RASA1: variants seen among roughly 807,000 people sequenced by gnomAD.
RASA1 encodes RAS p21 protein activator 1.
RASA1 carries 25 observed loss-of-function variants against 132.2 expected under a neutral mutation model. The ratio of observed to expected loss-of-function variants is 0.19; its 90% confidence interval spans 0.14 to 0.26. RASA1 has a LOEUF of 0.26. Ranked by LOEUF, RASA1 falls within the 10% of genes least tolerant of loss-of-function variation. The probability of loss-of-function intolerance (pLI) is 1.00; values close to 1 mark genes in which losing one functional copy is unlikely to be tolerated. For synonymous variants in RASA1, 477 were observed against 449.9 expected, an observed-to-expected ratio of 1.06 and a Z score of -0.76; for missense variants, 964 against 1,299.2, an observed-to-expected ratio of 0.74 and a Z score of 3.97.
chr5:87,271,734 C>A (rs889296871), intron 1 of RASA1, among the ~76,000 whole-genome samples: 4 of 151,788 alleles, frequency 2.6e-5, no homozygotes, highest in Admixed American at 2.6e-4. Context: ...CACTTGCCTC[C>A]CGAAGTGCTG....
At chr5:87,335,588 G>A (rs1468982802) in intron 4 of RASA1, among the ~76,000 whole-genome samples, 1 of 151,558 alleles carries the variant, frequency 6.6e-6, no homozygotes, top group East Asian at 2.0e-4. Context: ...ACCACACCTG[G>A]CTAATTTTGA....
intron 1 of RASA1, among the ~76,000 whole-genome samples, chr5:87,325,234 C>T (rs1757144755): frequency 6.6e-6 from 1 of 152,182 alleles, no homozygotes; most frequent in South Asian, 2.1e-4. Context: ...ATAACAGCAG[C>T]ATGGGGGTAA....
intron 7 of RASA1, 30 bp from the exon 8 acceptor site, chr5:87,349,184 A>C (rs752120477): frequency 3.1e-6 from 5 of 1,608,096 alleles, no homozygotes. Context: ...TTTGATAATT[A>C]GGGAAAAACT....
At chr5:87,374,720 T>C (rs1761200792) in intron 14 of RASA1, 120 bp from the exon 15 acceptor site, 2 of 1,423,464 alleles carry the variant, frequency 1.4e-6, no homozygotes, top group Non-Finnish European at 1.9e-6. Flanking sequence ...GTTTTAGGTC[T>C]AGCACACTGT....
intron 5 of RASA1, among the ~76,000 whole-genome samples, chr5:87,338,536 A>ATATATATTTTTTTT: frequency 9.4e-5 from 8 of 85,218 alleles, no homozygotes; most frequent in African/African-American, 3.1e-4. Context: ...TATATATAAA[A>ATATATATTTTTTTT]TTTTTTTTTT....
intron 19 of RASA1, 122 bp from the exon 20 acceptor site, chr5:87,380,384 CTTT>C: frequency 1.1e-6 from 1 of 879,982 alleles, no homozygotes; most frequent in Non-Finnish European, 1.9e-6. Flanking sequence ...TGGCAAAATA[CTTT>C]TTTGGGTAAA....
At chr5:87,303,687 T>C in intron 1 of RASA1, among the ~76,000 whole-genome samples, 1 of 152,060 alleles carries the variant, frequency 6.6e-6, no homozygotes, top group Non-Finnish European at 1.5e-5. Context: ...TGATTCAGCA[T>C]ATGGTTTCAG....
At chr5:87,377,119 A>C (rs1265150293) in intron 17 of RASA1, 79 bp downstream of exon 17, 12 of 1,486,120 alleles carry the variant, frequency 8.1e-6, no homozygotes, top group Middle Eastern at 1.7e-4. Context: ...TCTATCTCTG[A>C]ATATACTAAA....
intron 1 of RASA1, chr5:87,331,004 A>C: frequency 1.4e-6 from 2 of 1,395,790 alleles, no homozygotes; most frequent in Non-Finnish European, 1.9e-6. Context: ...AATCATTTCC[A>C]TTTGTCTATC....
intron 17 of RASA1, 188 bp downstream of exon 17, chr5:87,377,228 A>AT (rs1761388499): frequency 2.8e-6 from 2 of 714,960 alleles, no homozygotes; most frequent in South Asian, 3.6e-5. Context: ...TGGGAAGCTG[A>AT]TATTTCTAAT....
chr5:87,390,541 T>C (rs572110011), intron 24 of RASA1, among the ~76,000 whole-genome samples: 1 of 152,212 alleles, frequency 6.6e-6, no homozygotes, highest in East Asian at 1.9e-4. Context: ...TGTGATAGTG[T>C]GATAGTTCTG....
At chr5:87,305,522 CTA>C (rs1237550255) in intron 1 of RASA1, among the ~76,000 whole-genome samples, 1 of 152,174 alleles carries the variant, frequency 6.6e-6, no homozygotes, top group African/African-American at 2.4e-5. Flanking sequence ...ACACCCCATA[CTA>C]TAAAAACCCT....
intron 1 of RASA1, among the ~76,000 whole-genome samples, chr5:87,297,964 T>C (rs1755194814): frequency 6.6e-6 from 1 of 152,166 alleles, no homozygotes; most frequent in South Asian, 2.1e-4. Flanking sequence ...TTTTTCTCTA[T>C]CTGCCTACCT....
chr5:87,269,703 T>C (rs1399570322), intron 1 of RASA1, among the ~76,000 whole-genome samples: 1 of 152,168 alleles, frequency 6.6e-6, no homozygotes, highest in East Asian at 1.9e-4. Flanking sequence ...CAATAGAGCT[T>C]CCCTTAAACA....
At chr5:87,351,506 T>G (rs930315319) in intron 8 of RASA1, among the ~76,000 whole-genome samples, 5 of 151,704 alleles carry the variant, frequency 3.3e-5, no homozygotes, top group African/African-American at 1.2e-4. Context: ...GTGCACATGG[T>G]TTTATGTGCT....
At chr5:87,388,370 T>G (rs768498160) in intron 23 of RASA1, among the ~76,000 whole-genome samples, 3 of 152,216 alleles carry the variant, frequency 2.0e-5, no homozygotes, top group Non-Finnish European at 2.9e-5. Flanking sequence ...AAAATAACAC[T>G]GGCATTTAGT....
In RASA1 at chr5:87,389,517, G is replaced by A; in HGVS notation, c.3050G>A (p.Gly1017Asp). The change falls in exon 24 of 25, where the codon GGT becomes GAT. Residue 1017 changes from glycine (G) to aspartate (D), a missense_variant. By Grantham distance (94) the Gly-to-Asp change is moderately conservative. Coordinates refer to ENST00000274376, the MANE Select transcript of RASA1 (RefSeq NM_002890.3). ...DELRTLSNER[G>D]AQQHVLKKLL... ...CTTCGAACGCTCAGTAATGAGCGTG[G>A]TGCACAGCAGGTAGGCTTTCGCCAG... 6.2e-7 allele frequency: 1 copy of A among 1,614,004 alleles called. No homozygotes were observed. Among genetic ancestry groups the A allele is most frequent in the Non-Finnish European group, 8.5e-7 (1 of 1,179,904 alleles).
At chr5:87,307,814 T>G (rs917929734) in intron 1 of RASA1, among the ~76,000 whole-genome samples, 8 of 152,228 alleles carry the variant, frequency 5.3e-5, no homozygotes, top group Admixed American at 5.2e-4. Flanking sequence ...TTTGTCTTCT[T>G]GTATACTCTC....
At position 87,288,173 on chromosome 5, in the gene RASA1, CAT is replaced by C. The variant is rs372945594; in HGVS notation, c.539+19197_539+19198del. ...ATATATATACCATATATATACACAC[CAT>C]ATATATATATATACCATATATATAT... On this transcript the variant is annotated intron_variant, in intron 1 of 24. Coordinates refer to ENST00000274376, the MANE Select transcript of RASA1 (RefSeq NM_002890.3). 4.6e-4 allele frequency among the ~76,000 whole-genome samples: 64 copies of C among 139,692 alleles called. 1 individual carries two copies. Among genetic ancestry groups the C allele is most frequent in the African/African-American group, 1.1e-3 (41 of 37,750 alleles). 91.6% of individuals were successfully genotyped at this position (139,692 alleles called of 152,430 possible).
Sources: allele counts gnomAD v4.1 joint callset (sites outside exome capture counted in the v4.1 genomes callset), GRCh38; gene constraint gnomAD v4.1.1; transcripts MANE v1.5; gene names NCBI Gene and HGNC (gene_info 2026-07-23, HGNC 2026-07-21).